RBM19: variants seen among roughly 807,000 people sequenced by gnomAD.
RBM19 encodes RNA binding motif protein 19, also known as probable RNA-binding protein 19.
In RBM19, 94 loss-of-function variants were observed where a neutral mutation model predicts 116.8. That is an observed-to-expected ratio of 0.80 (90% CI 0.68 to 0.95). The LOEUF (loss-of-function observed/expected upper bound fraction) is 0.95, where lower values mean the gene tolerates loss of function less well. Ranked by LOEUF, RBM19 falls within the 40% of genes least tolerant of loss-of-function variation. RBM19 has a pLI of 0.00. For synonymous variants in RBM19, 475 were observed against 494.1 expected (o/e 0.96, Z 0.51); for missense variants, 1,161 against 1,220.7 (o/e 0.95, Z 0.73).
intron 18 of RBM19, among the ~76,000 whole-genome samples, chr12:113,921,885 A>G (rs1157864902): frequency 6.6e-6 from 1 of 152,176 alleles, no homozygotes; most frequent in Non-Finnish European, 1.5e-5. Context: ...ACCATCCTCT[A>G]TGGGAAACTG....
At chr12:113,890,547 G>T (rs769039742) in intron 21 of RBM19, among the ~76,000 whole-genome samples, 1 of 152,192 alleles carries the variant, frequency 6.6e-6, no homozygotes, top group African/African-American at 2.4e-5. Context: ...ACACGCTGCC[G>T]ATCACCCCCA....
At chr12:113,928,417 T>TACACACACACACACACACACACAC (rs3066401) in intron 16 of RBM19, among the ~76,000 whole-genome samples, 3 of 136,232 alleles carry the variant, frequency 2.2e-5, no homozygotes, top group African/African-American at 8.0e-5. Context: ...TACATGTGCA[T>TACACACACACACACACACACACAC]ACACACACAC....
intron 21 of RBM19, among the ~76,000 whole-genome samples, chr12:113,882,775 G>A (rs1880240456): frequency 6.6e-6 from 1 of 152,204 alleles, no homozygotes. Context: ...GTGCTTACTG[G>A]GCAAATGGAG....
At chr12:113,902,066 C>T (rs1365378416) in intron 21 of RBM19, among the ~76,000 whole-genome samples, 4 of 152,212 alleles carry the variant, frequency 2.6e-5, no homozygotes, top group Non-Finnish European at 5.9e-5. Flanking sequence ...GGCAAAACTA[C>T]AGTACAATAT....
intron 7 of RBM19, among the ~76,000 whole-genome samples, chr12:113,954,293 C>T (rs1383023399): frequency 6.6e-6 from 1 of 151,998 alleles, no homozygotes; most frequent in African/African-American, 2.4e-5. Flanking sequence ...CCCTGTCTCA[C>T]ACACACACAC....
At chr12:113,937,752 T>C (rs1409972306) in intron 15 of RBM19, among the ~76,000 whole-genome samples, 2 of 83,562 alleles carry the variant, frequency 2.4e-5, no homozygotes. Flanking sequence ...AAATCCTGCC[T>C]CTTAAAAAAA....
At chr12:113,872,184 C>G (rs1879262376) in intron 21 of RBM19, among the ~76,000 whole-genome samples, 1 of 148,336 alleles carries the variant, frequency 6.7e-6, no homozygotes, top group Non-Finnish European at 1.5e-5. Context: ...GCCGCCCCAT[C>G]TGGGATGTGA....
At chr12:113,816,911 T>C (rs1874063662) in exon 25 of RBM19, 1 of 152,200 alleles carries the variant, frequency 6.6e-6, no homozygotes. Flanking sequence ...GTCATTTTCA[T>C]TAAAATTTAA....
intron 23 of RBM19, among the ~76,000 whole-genome samples, chr12:113,844,335 G>A (rs1398099850): frequency 6.6e-6 from 1 of 152,218 alleles, no homozygotes; most frequent in Non-Finnish European, 1.5e-5. Flanking sequence ...CAACGGCCAC[G>A]AGCTGTGACC....
chr12:113,874,266 G>T (rs1265046770), intron 21 of RBM19, among the ~76,000 whole-genome samples: 1 of 152,224 alleles, frequency 6.6e-6, no homozygotes, highest in Non-Finnish European at 1.5e-5. Flanking sequence ...AAGTGTCTGT[G>T]GAGTGCTGAT....
At chr12:113,936,226 A>G (rs1870050544) in intron 16 of RBM19, among the ~76,000 whole-genome samples, 1 of 152,086 alleles carries the variant, frequency 6.6e-6, no homozygotes, top group Non-Finnish European at 1.5e-5. Context: ...GTGGGTGTGT[A>G]TAGGTGAGTG....
intron 1 of RBM19, 21 bp from the exon 2 acceptor site, chr12:113,962,435 T>C (rs1872588022): frequency 2.5e-6 from 4 of 1,605,350 alleles, no homozygotes; most frequent in Middle Eastern, 1.7e-4. Flanking sequence ...GGGAAAGGAA[T>C]GAGAGACGAA....
chr12:113,959,780 C>T (rs954190169), intron 4 of RBM19, 85 bp downstream of exon 4: 5 of 1,513,238 alleles, frequency 3.3e-6, no homozygotes, highest in South Asian at 1.1e-5. Context: ...CCTCCACCCT[C>T]TCCCAGCCTC....
intron 21 of RBM19, among the ~76,000 whole-genome samples, chr12:113,872,525 G>T (rs1290785930): frequency 7.7e-6 from 1 of 130,118 alleles, no homozygotes; most frequent in Non-Finnish European, 1.7e-5. Context: ...GGAGGTGGGG[G>T]TGTCGGCCCC....
At chr12:113,888,659 G>C (rs1442846136) in intron 21 of RBM19, among the ~76,000 whole-genome samples, 1 of 152,100 alleles carries the variant, frequency 6.6e-6, no homozygotes, top group Non-Finnish European at 1.5e-5. Flanking sequence ...GTGCTCAGCA[G>C]AGCAGTTACA....
At chr12:113,908,893 T>C (rs1163476020) in intron 21 of RBM19, among the ~76,000 whole-genome samples, 1 of 152,228 alleles carries the variant, frequency 6.6e-6, no homozygotes, top group Non-Finnish European at 1.5e-5. Flanking sequence ...ACCAGCTATG[T>C]AGCAGGCACC....
chr12:113,957,674 G>A, intron 6 of RBM19, 108 bp downstream of exon 6: 1 of 1,448,274 alleles, frequency 6.9e-7, no homozygotes, highest in Non-Finnish European at 9.1e-7. Flanking sequence ...GGACTGCAGA[G>A]CTGCGTCTTT....
intron 21 of RBM19, among the ~76,000 whole-genome samples, chr12:113,862,800 G>GT (rs1878500682): frequency 6.6e-6 from 1 of 152,210 alleles, no homozygotes; most frequent in African/African-American, 2.4e-5. Context: ...AGCAATTACT[G>GT]TATCAGAAGC....
intron 21 of RBM19, among the ~76,000 whole-genome samples, chr12:113,893,270 C>T (rs571891870): frequency 6.6e-6 from 1 of 152,166 alleles, no homozygotes; most frequent in African/African-American, 2.4e-5. Context: ...CTCAGCCTCC[C>T]AAAGTTCTGG....
Sources: gnomAD v4.1 joint callset for allele counts (sites outside exome capture counted in the v4.1 genomes callset) on GRCh38, gnomAD v4.1.1 for gene constraint, MANE v1.5 for transcripts, NCBI Gene and HGNC (gene_info 2026-07-23, HGNC 2026-07-21) for gene names.